MGAT5B: variants seen among roughly 807,000 people sequenced by gnomAD.
MGAT5B encodes the protein N-acetylglucosaminyl-transferase Vb.
In MGAT5B, 54 loss-of-function variants were observed where a neutral mutation model predicts 95.1. The ratio of observed to expected loss-of-function variants is 0.57; its 90% CI spans 0.46 to 0.71. The LOEUF (loss-of-function observed/expected upper bound fraction) is 0.71. Among genes scored for constraint, MGAT5B ranks in the 30% least tolerant of loss-of-function variants. MGAT5B has a pLI of 0.00. For missense variants in MGAT5B, 935 were observed against 1,088.6 expected (o/e 0.86, Z 1.99); for synonymous variants, 464 against 451.0 (o/e 1.03, Z -0.36).
chr17:76,918,506 G>A lies in MGAT5B; in HGVS notation c.1026-6460G>A, dbSNP rs902019944. On this transcript the variant is annotated intron_variant, in intron 8 of 17. Coordinates refer to ENST00000569840, the MANE Select transcript of MGAT5B (RefSeq NM_001199172.2). The surrounding 1 kb of genome is among the most constrained non-coding windows in gnomAD (Gnocchi z 5.1). ...GAGGTCAGTCCATCCTGGGCAGGAAGAAAATGCTGCAGGACGGTGTAATTC... is the reference window on the plus strand; with the variant it reads ...GAGGTCAGTCCATCCTGGGCAGGAAAAAAATGCTGCAGGACGGTGTAATTC... Among the ~76,000 whole-genome samples the A allele has an allele frequency of 1.3e-5, 2 of 152,248 alleles. No homozygotes were observed. Among genetic ancestry groups the A allele is most frequent in the Non-Finnish European group, 2.9e-5 (2 of 68,042 alleles).
intron 15 of MGAT5B, chr17:76,944,181 T>C (rs903955345): frequency 2.6e-5 from 4 of 152,196 alleles, no homozygotes; most frequent in East Asian, 1.9e-4. Context: ...TTAGACCTAA[T>C]GGGGGTAATT....
At chr17:76,893,402 C>G (rs917752331) in intron 3 of MGAT5B, among the ~76,000 whole-genome samples, 1 of 152,214 alleles carries the variant, frequency 6.6e-6, no homozygotes, top group African/African-American at 2.4e-5. Flanking sequence ...CTCTCATGGG[C>G]CAGATCTTCA....
In MGAT5B at chr17:76,905,974, G is replaced by A. The variant is rs749167903; in HGVS notation, c.856-44G>A. 1.3e-6 allele frequency: 2 copies of A among 1,536,828 alleles called. No homozygotes were observed. The highest frequency in any genetic ancestry group is 1.7e-6 in the Non-Finnish European group (2 of 1,145,996). On this transcript the variant is annotated intron_variant, in intron 7 of 17. Transcript: ENST00000569840. This position sits in a 1 kb window ranked among gnomAD's most constrained non-coding sequence, Gnocchi z 4.2. ...GTGCCCCGGGGGGGCGGGGCTCAGA[G>A]CTGCTGCTCCTCTCTGCTGACCCTC...
At chr17:76,881,407 T>C (rs1967408529) in intron 2 of MGAT5B, among the ~76,000 whole-genome samples, 2 of 152,058 alleles carry the variant, frequency 1.3e-5, no homozygotes, top group Non-Finnish European at 2.9e-5. Flanking sequence ...TCAGAACACA[T>C]GCATTATGGT....
At position 76,914,098 on chromosome 17, in the gene MGAT5B, CA is replaced by C. The variant is rs571008441; in HGVS notation, c.1025+7921del. ...CTTGGGTGACAAAGCAAGACTGTCT[CA>C]AAAAAAAAAGAGAAGAAGAAGAAGA... On this transcript the variant is annotated intron_variant, in intron 8 of 17. Coordinates refer to ENST00000569840, the MANE Select transcript of MGAT5B (RefSeq NM_001199172.2). The surrounding 1 kb of genome is among the most constrained non-coding windows in gnomAD (Gnocchi z 5.1). 3.8e-4 allele frequency: 50 copies of C among 131,506 alleles called. No individual in the cohort carries two copies. The highest frequency in any genetic ancestry group is 1.2e-3 in the South Asian group (5 of 4,150). The allele number at this position is 131,506 out of a possible 1,614,324, so 8.1% of individuals were successfully genotyped here. A position where few individuals can be genotyped will look rare whatever the true frequency, so the allele number is the denominator to read the frequency against.
At chr17:76,942,842 C>T (rs927168103) in intron 15 of MGAT5B, among the ~76,000 whole-genome samples, 4 of 152,224 alleles carry the variant, frequency 2.6e-5, no homozygotes, top group Admixed American at 6.5e-5. Flanking sequence ...CTCCACCCAC[C>T]TCCCTCTGCT....
In MGAT5B at chr17:76,905,441, T is replaced by C. The variant is rs1968487596; in HGVS notation, c.855+108T>C. On this transcript the variant is annotated intron_variant, in intron 7 of 17. Transcript: ENST00000569840. This position sits in a 1 kb window ranked among gnomAD's most constrained non-coding sequence, Gnocchi z 4.2. ...AAACAAGCTGTAGTGGGCTTCTGAA[T>C]TTGATCAGAGGGAGAGAGGGGTAGG... 5 of 1,027,240 alleles carry C rather than the reference T, an allele frequency of 4.9e-6. No homozygotes were observed. The highest frequency in any genetic ancestry group is 6.8e-6 in the Non-Finnish European group (5 of 731,936). 63.6% of individuals were successfully genotyped at this position (1,027,240 alleles called of 1,614,324 possible).
At chr17:76,882,033 T>G in intron 2 of MGAT5B, 118 bp from the exon 3 acceptor site, 5 of 990,380 alleles carry the variant, frequency 5.0e-6, no homozygotes, top group Non-Finnish European at 7.2e-6. Flanking sequence ...TGGGGTCTGG[T>G]GTTGGTTGGT....
chr17:76,878,152 G>T (rs142896562), intron 2 of MGAT5B, among the ~76,000 whole-genome samples: 3 of 152,150 alleles, frequency 2.0e-5, no homozygotes, highest in Non-Finnish European at 4.4e-5. Context: ...GTGGGTCACT[G>T]GGGGAGAGTC....
At position 76,948,072 on chromosome 17, in the gene MGAT5B, G is replaced by T; in HGVS notation, c.2166G>T (p.Gln722His). The T allele has an allele frequency of 6.2e-7, 1 of 1,602,990 alleles. No individual in the cohort carries two copies. Among genetic ancestry groups the T allele is most frequent in the Non-Finnish European group, 8.5e-7 (1 of 1,174,178 alleles). ...CCTTCTTCCCCTTCCTGAACAGCCA[G>T]GACGCCTTCCTCAAGTGAGTGTTCC... ...EPSFFPFLNS[Q>H]DAFLKLQVPC... The change falls in exon 17 of 18, where the codon CAG becomes CAT. Residue 722 changes from glutamine to histidine, a missense_variant. Coordinates refer to ENST00000569840, the MANE Select transcript of MGAT5B (RefSeq NM_001199172.2).
intron 10 of MGAT5B, 38 bp downstream of exon 10, chr17:76,926,768 C>T (rs375139101): frequency 6.2e-6 from 10 of 1,605,472 alleles, no homozygotes; most frequent in Admixed American, 5.1e-5. Flanking sequence ...GTCGGAGGTC[C>T]TCCTCATGGT....
At position 76,906,276 on chromosome 17, in the gene MGAT5B, CACCT is replaced by C; in HGVS notation, c.1025+90_1025+93del. 1 of 1,336,008 alleles carries C rather than the reference CACCT, an allele frequency of 7.5e-7. No individual in the cohort carries two copies. The highest frequency in any genetic ancestry group is 1.5e-5 in the African/African-American group (1 of 65,320). 82.8% of individuals were successfully genotyped at this position (1,336,008 alleles called of 1,614,324 possible). ...CCCTCCCTCCCAGGGGCTGTGGGAGCACCTGCTCTGCCTGCAGGTCCCACGGCCC... is the reference window on the plus strand; with the variant it reads ...CCCTCCCTCCCAGGGGCTGTGGGAGCGCTCTGCCTGCAGGTCCCACGGCCC... On this transcript the variant is annotated intron_variant, in intron 8 of 17. Transcript: ENST00000569840. The surrounding 1 kb of genome is among the most constrained non-coding windows in gnomAD (Gnocchi z 4.6).
chr17:76,871,898 T>G (rs1227210545), intron 1 of MGAT5B, among the ~76,000 whole-genome samples: 1 of 152,100 alleles, frequency 6.6e-6, no homozygotes, highest in Non-Finnish European at 1.5e-5. Flanking sequence ...GGGCCTAGGA[T>G]TGATGAGGGA....
At position 76,869,875 on chromosome 17, in the gene MGAT5B, C is replaced by T. The variant is rs1247653933; in HGVS notation, c.68+778C>T. On this transcript the variant is annotated intron_variant, in intron 1 of 17. Transcript: ENST00000569840. The surrounding 1 kb of genome is among the most constrained non-coding windows in gnomAD (Gnocchi z 7.0). Reference sequence around the variant, plus strand: ...GACTCACTGGACCCAGCCAGGGGCCCCCAGGGCCCAGCGGTGCCGGGGCAG... The same window carrying T: ...GACTCACTGGACCCAGCCAGGGGCCTCCAGGGCCCAGCGGTGCCGGGGCAG... Among the ~76,000 whole-genome samples the T allele has an allele frequency of 6.6e-6, 1 of 152,092 alleles. No individual in the cohort carries two copies. The highest frequency in any genetic ancestry group is 1.5e-5 in the Non-Finnish European group (1 of 67,990).
At position 76,938,611 on chromosome 17, in the gene MGAT5B, C is replaced by A. The variant is rs974482383; in HGVS notation, c.1584+468C>A. ...CTGGAGCAGCAGTTGACACAGTGGG[C>A]AAAACCCTGACTGGACCCTGGAGTA... is the stretch of plus-strand genomic sequence containing the variant. On this transcript the variant is annotated intron_variant, in intron 13 of 17. Transcript: ENST00000569840. This position sits in a 1 kb window ranked among gnomAD's most constrained non-coding sequence, Gnocchi z 4.3. 5.9e-5 allele frequency among the ~76,000 whole-genome samples: 9 copies of A among 152,184 alleles called. No individual in the cohort carries two copies. Among genetic ancestry groups the A allele is most frequent in the Non-Finnish European group, 2.9e-5 (2 of 68,034 alleles).
intron 12 of MGAT5B, among the ~76,000 whole-genome samples, chr17:76,936,730 G>C (rs1167855908): frequency 6.6e-6 from 1 of 152,168 alleles, no homozygotes; most frequent in Non-Finnish European, 1.5e-5. Flanking sequence ...TTGCACCTTT[G>C]TCGAAAATCA....
At position 76,932,664 on chromosome 17, in the gene MGAT5B, C is replaced by A. The variant is rs765006721; in HGVS notation, c.1311C>A (p.Ser437=). 6.2e-7 allele frequency: 1 copy of A among 1,613,968 alleles called. No individual in the cohort carries two copies. The highest frequency in any genetic ancestry group is 1.1e-5 in the South Asian group (1 of 91,078). ...CTGCAGCTCATACCCCCGACAACTC[C>A]TTCATGGGCTTCGTGTCCGAGGAGC... The part of the protein sequence containing the change: ...MTMFPHTPDN[S]FMGFVSEELN... Residue 437 remains serine, a synonymous_variant, in exon 11 of 18, where the codon TCC becomes TCA. Transcript: ENST00000569840.
chr17:76,901,244 C>T (rs1233052994), intron 3 of MGAT5B, among the ~76,000 whole-genome samples: 1 of 152,098 alleles, frequency 6.6e-6, no homozygotes, highest in African/African-American at 2.4e-5. Flanking sequence ...GTGGGGTTTG[C>T]AGACCCGAAC....
At chr17:76,877,763 C>G (rs1301127925) in intron 2 of MGAT5B, among the ~76,000 whole-genome samples, 1 of 152,110 alleles carries the variant, frequency 6.6e-6, no homozygotes, top group African/African-American at 2.4e-5. Context: ...CCAGGGAGGT[C>G]TCTGCTTTCT....
Sources: allele counts gnomAD v4.1 joint callset (sites outside exome capture counted in the v4.1 genomes callset), GRCh38; gene constraint gnomAD v4.1.1; non-coding constraint Gnocchi (gnomAD v3.1); transcripts MANE v1.5; gene names NCBI Gene and HGNC (gene_info 2026-07-23, HGNC 2026-07-21).